Variants in MICU1 observed in about 807,000 individuals in gnomAD.
MICU1 encodes mitochondrial calcium uptake 1, also known as calcium uptake protein 1, mitochondrial.
Under a neutral mutation model 56.8 loss-of-function variants are expected in MICU1, and 45 were observed. The observed-to-expected ratio is 0.79, with a 90% CI of 0.62 to 1.02. The LOEUF (loss-of-function observed/expected upper bound fraction) is 1.02. MICU1 is among the 50% of genes least tolerant of loss of function. MICU1 has a pLI of 0.00. For synonymous variants in MICU1, 186 were observed against 195.1 expected (o/e 0.95, Z 0.39); for missense variants, 504 against 587.1 (o/e 0.86, Z 1.46).
intron 10 of MICU1, among the ~76,000 whole-genome samples, chr10:72,376,657 C>T (rs1862533025): frequency 6.6e-6 from 1 of 151,854 alleles, no homozygotes; most frequent in African/African-American, 2.4e-5. Context: ...ATAAAAAGTG[C>T]CTGATATTCA....
chr10:72,542,264 C>T (rs1839791404), intron 4 of MICU1, among the ~76,000 whole-genome samples: 1 of 151,818 alleles, frequency 6.6e-6, no homozygotes, highest in African/African-American at 2.4e-5. Flanking sequence ...TTTTTTTTCA[C>T]CCATTTAAAA....
At chr10:72,510,758 G>A (rs1589292530) in intron 5 of MICU1, among the ~76,000 whole-genome samples, 1 of 151,718 alleles carries the variant, frequency 6.6e-6, no homozygotes, top group African/African-American at 2.4e-5. Context: ...TCAGCCTCCC[G>A]AGTAGCTGAG....
chr10:72,448,261 G>A (rs7070287), intron 8 of MICU1, among the ~76,000 whole-genome samples: 11,668 of 122,262 alleles, frequency 0.095, 1,476 homozygotes, highest in African/African-American at 0.29. Context: ...TGCAACCTCC[G>A]CCTCCTGGTT....
intron 1 of MICU1, among the ~76,000 whole-genome samples, chr10:72,569,744 A>C (rs985108718): frequency 1.3e-5 from 2 of 152,130 alleles, no homozygotes; most frequent in African/African-American, 4.8e-5. Flanking sequence ...CAGAGAATTA[A>C]TGTAAATGAT....
chr10:72,481,017 C>T (rs1192563025), intron 6 of MICU1, among the ~76,000 whole-genome samples: 1 of 152,198 alleles, frequency 6.6e-6, no homozygotes, highest in Non-Finnish European at 1.5e-5. Flanking sequence ...AAAGTACATG[C>T]GCTGACACCA....
At chr10:72,510,187 A>G (rs1867396652) in intron 5 of MICU1, among the ~76,000 whole-genome samples, 1 of 152,192 alleles carries the variant, frequency 6.6e-6, no homozygotes, top group African/African-American at 2.4e-5. Context: ...TTATTTTTCT[A>G]ACAATCATCC....
At position 72,375,796 on chromosome 10, in the gene MICU1, G is replaced by T. The variant is rs577512531; in HGVS notation, c.1257C>A (p.Leu419=). Residue 419 remains leucine (L), a synonymous_variant, in exon 11 of 12, where the codon CTC becomes CTA. Transcript: ENST00000361114. ...GGCCCCACTCACCATCACAGTCAAA[G>T]AGTGCAAACACCACATCACACACGT... ...SDHVCDVVFA[L]FDCDGNGELS... 6 of 1,612,982 alleles carry T rather than the reference G, an allele frequency of 3.7e-6. No homozygotes were observed. The African/African-American group carries it at 4.0e-5, about 11-fold the overall frequency.
In MICU1 at chr10:72,446,230, C is replaced by T. The variant is rs945439615; in HGVS notation, c.934-22859G>A. Among the ~76,000 whole-genome samples the T allele has an allele frequency of 3.3e-5, 5 of 152,164 alleles. No homozygotes were observed. The South Asian group carries it at 1.0e-3, about 32-fold the overall frequency. ...CAAAAAAAATTCAGAAGAGTTGGAT[C>T]CTGAGTATGAAGAAATTTTAGACCA... On this transcript the variant is annotated intron_variant, in intron 8 of 11. Coordinates refer to ENST00000361114, the MANE Select transcript of MICU1 (RefSeq NM_001195518.2).
At position 72,569,230 on chromosome 10, in the gene MICU1, TATATA is replaced by T. The variant is rs1425140177; in HGVS notation, c.-1-2441_-1-2437del. Among the ~76,000 whole-genome samples, 121 of 57,654 alleles carry T rather than the reference TATATA, an allele frequency of 2.1e-3. 2 individuals carry two copies. The highest frequency in any genetic ancestry group is 0.019 in the East Asian group (40 of 2,140). 37.8% of individuals were successfully genotyped at this position (57,654 alleles called of 152,430 possible). A position where few individuals can be genotyped will look rare whatever the true frequency, so the allele number is the denominator to read the frequency against. On this transcript the variant is annotated intron_variant, in intron 1 of 11. Transcript: ENST00000361114. ...GCATATATATATATATATATATATA[TATATA>T]TATTTTTTTTTTTTTTTGAGATGGC...
chr10:72,532,100 G>A (rs942408217), intron 5 of MICU1, among the ~76,000 whole-genome samples: 3 of 151,850 alleles, frequency 2.0e-5, no homozygotes, highest in Admixed American at 6.6e-5. Context: ...GGCAGATCAC[G>A]AGGTCAGGAG....
At chr10:72,403,860 T>C (rs1305444324) in intron 10 of MICU1, among the ~76,000 whole-genome samples, 2 of 152,080 alleles carry the variant, frequency 1.3e-5, no homozygotes, top group Non-Finnish European at 2.9e-5. Flanking sequence ...TTTCACTGTG[T>C]TAGCCAGGAT....
At chr10:72,373,688 T>G (rs933139823) in intron 11 of MICU1, among the ~76,000 whole-genome samples, 1 of 152,202 alleles carries the variant, frequency 6.6e-6, no homozygotes, top group African/African-American at 2.4e-5. Flanking sequence ...AAGGGGGGAC[T>G]TGAGAAGCTA....
At chr10:72,424,642 A>G (rs7073943) in intron 8 of MICU1, among the ~76,000 whole-genome samples, 87,508 of 151,908 alleles carry the variant, frequency 0.58, 26,390 homozygotes, top group Non-Finnish European at 0.67. Context: ...AACAGCCTAC[A>G]GAGCAGCTAC....
chr10:72,476,547 AATGTACCTGATACTTTC>A (rs1866129795), intron 7 of MICU1, among the ~76,000 whole-genome samples: 1 of 152,074 alleles, frequency 6.6e-6, no homozygotes, highest in South Asian at 2.1e-4. Flanking sequence ...TACCTTATAT[AATGTACCTGATACTTTC>A]TCCCACTTCC....
chr10:72,446,048 C>T (rs1391138322), intron 8 of MICU1, among the ~76,000 whole-genome samples: 5 of 151,726 alleles, frequency 3.3e-5, no homozygotes, highest in Non-Finnish European at 7.4e-5. Flanking sequence ...ACTGACTGTA[C>T]AAGTATGTCA....
At chr10:72,624,895 C>G (rs1386044116) in intron 1 of MICU1, among the ~76,000 whole-genome samples, 1 of 152,186 alleles carries the variant, frequency 6.6e-6, no homozygotes, top group Non-Finnish European at 1.5e-5. Flanking sequence ...ATTCAAAAAG[C>G]TCATTACCTG....
chr10:72,508,827 T>A (rs1195484685), intron 5 of MICU1, among the ~76,000 whole-genome samples: 3 of 152,178 alleles, frequency 2.0e-5, no homozygotes, highest in Non-Finnish European at 4.4e-5. Context: ...GTGAATAGCA[T>A]CTCTGAAATA....
At chr10:72,591,954 T>A (rs1841237000) in intron 1 of MICU1, among the ~76,000 whole-genome samples, 1 of 151,188 alleles carries the variant, frequency 6.6e-6, no homozygotes, top group Non-Finnish European at 1.5e-5. Context: ...GAGGTTGCAG[T>A]GAGCCAACAT....
intron 1 of MICU1, among the ~76,000 whole-genome samples, chr10:72,610,073 A>AC (rs1841802316): frequency 6.6e-6 from 1 of 151,866 alleles, no homozygotes; most frequent in African/African-American, 2.4e-5. Flanking sequence ...AGCTTGGGCA[A>AC]CACAGCAAGA....
Sources: allele counts gnomAD v4.1 joint callset (sites outside exome capture counted in the v4.1 genomes callset), GRCh38; gene constraint gnomAD v4.1.1; transcripts MANE v1.5; gene names NCBI Gene and HGNC (gene_info 2026-07-23, HGNC 2026-07-21).